TTC39B: variants seen among roughly 807,000 people sequenced by gnomAD.
TTC39B encodes tetratricopeptide repeat protein 39B.
In TTC39B, 92 loss-of-function variants were observed where a neutral mutation model predicts 96.6. The observed-to-expected ratio is 0.95, with a 90% CI of 0.80 to 1.13. The LOEUF is 1.13. Ranked by LOEUF, TTC39B falls within the 50% of genes most tolerant of loss-of-function variation. The pLI is 0.00. For missense variants in TTC39B, 955 were observed against 809.3 expected, an observed-to-expected ratio of 1.18 and a Z score of -2.18; for synonymous variants, 367 against 299.4, an observed-to-expected ratio of 1.23 and a Z score of -2.33.
At chr9:15,218,276 C>T (rs1586897471) in intron 3 of TTC39B, among the ~76,000 whole-genome samples, 3 of 151,594 alleles carry the variant, frequency 2.0e-5, no homozygotes, top group Admixed American at 2.0e-4. Flanking sequence ...GATTCCTGGA[C>T]TGGAAATTAG....
chr9:15,211,386 C>T lies in TTC39B; in HGVS notation c.494G>A (p.Ser165Asn). The change falls in exon 5 of 20, where the codon AGT becomes AAT. Residue 165 changes from serine to asparagine, a missense_variant. Transcript: ENST00000512701. ...ACTGTAGCCCAAGGCATGGTACATACTCTCCTTAGCCCTGGGAAGAACACA... is the reference window on the plus strand; with the variant it reads ...ACTGTAGCCCAAGGCATGGTACATATTCTCCTTAGCCCTGGGAAGAACACA... The T allele has an allele frequency of 1.3e-6, 2 of 1,554,940 alleles. No homozygotes were observed.
At chr9:15,298,891 G>C (rs998229205) in intron 1 of TTC39B, among the ~76,000 whole-genome samples, 2 of 152,026 alleles carry the variant, frequency 1.3e-5, no homozygotes, top group Non-Finnish European at 2.9e-5. Context: ...CCCTCTCCTG[G>C]AAGACACTTC....
intron 2 of TTC39B, among the ~76,000 whole-genome samples, chr9:15,250,360 T>G (rs564444977): frequency 3.9e-5 from 6 of 152,112 alleles, no homozygotes; most frequent in African/African-American, 1.4e-4. Context: ...AATATTTTCA[T>G]GATTTTTCAC....
chr9:15,173,599 A>T (rs1817773614), intron 19 of TTC39B, among the ~76,000 whole-genome samples: 1 of 152,066 alleles, frequency 6.6e-6, no homozygotes. Context: ...TAACTCTCTT[A>T]ATCTTCTTAA....
In TTC39B at chr9:15,180,097, T is replaced by C. The variant is rs1461988876; in HGVS notation, c.1723+2210A>G. ...AAAGAAAATTACATGATAAAGCTAC[T>C]AGAGTACAATTTTACGACAAAAGAT... On this transcript the variant is annotated intron_variant, in intron 17 of 19. Transcript: ENST00000512701. Among the ~76,000 whole-genome samples, 4 of 152,310 alleles carry C rather than the reference T, an allele frequency of 2.6e-5. No homozygotes were observed. In the East Asian group the frequency reaches 7.7e-4, roughly 29 times the overall value.
At position 15,199,911 on chromosome 9, in the gene TTC39B, G is replaced by A. The variant is rs530156692; in HGVS notation, c.774C>T (p.Ile258=). ...TTTTGAGTCCACCTTTGATGAAGTTGATCATATTTTCATCCTGAAAATAAT... is the reference window on the plus strand; with the variant it reads ...TTTTGAGTCCACCTTTGATGAAGTTAATCATATTTTCATCCTGAAAATAAT... Residue 258 remains isoleucine (I), a synonymous_variant, in exon 8 of 20, where the codon ATC becomes ATT. Coordinates refer to ENST00000512701, the Ensembl canonical transcript of TTC39B. The A allele has an allele frequency of 5.2e-6, 8 of 1,540,190 alleles. No individual in the cohort carries two copies. In the African/African-American group the frequency reaches 8.3e-5, roughly 16 times the overall value.
chr9:15,269,803 C>T (rs182269798), intron 1 of TTC39B, among the ~76,000 whole-genome samples: 6 of 150,888 alleles, frequency 4.0e-5, no homozygotes, highest in African/African-American at 1.5e-4. Flanking sequence ...TACAGTGAGC[C>T]GAGATCATGC....
chr9:15,174,420 G>A (rs1751797383), intron 19 of TTC39B, among the ~76,000 whole-genome samples: 2 of 152,208 alleles, frequency 1.3e-5, no homozygotes, highest in Non-Finnish European at 2.9e-5. Context: ...TTACCTAAGT[G>A]ATCCATGACC....
intron 8 of TTC39B, among the ~76,000 whole-genome samples, chr9:15,198,290 T>A (rs927225986): frequency 1.3e-5 from 2 of 151,608 alleles, no homozygotes; most frequent in Admixed American, 6.6e-5. Context: ...AACCCCGTCT[T>A]TACTAAAAAT....
At chr9:15,270,812 C>A (rs1563777874) in intron 1 of TTC39B, among the ~76,000 whole-genome samples, 2 of 151,250 alleles carry the variant, frequency 1.3e-5, no homozygotes, top group Admixed American at 6.6e-5. Flanking sequence ...ACAGTAATCA[C>A]GGGGCAGAGA....
intron 2 of TTC39B, among the ~76,000 whole-genome samples, chr9:15,264,993 C>T (rs1823078936): frequency 6.6e-6 from 1 of 151,822 alleles, no homozygotes; most frequent in Non-Finnish European, 1.5e-5. Flanking sequence ...TGGAAAGCCC[C>T]CAAACAGTGT....
chr9:15,201,061 G>A (rs1396542208), intron 7 of TTC39B, among the ~76,000 whole-genome samples: 1 of 152,078 alleles, frequency 6.6e-6, no homozygotes, highest in Non-Finnish European at 1.5e-5. Context: ...GTGTACTTAA[G>A]CATCCTTCTG....
intron 15 of TTC39B, 58 bp from the exon 16 acceptor site, chr9:15,185,464 G>T: frequency 6.2e-7 from 1 of 1,600,038 alleles, no homozygotes. Flanking sequence ...TACATTATTT[G>T]TACCTGTGGT....
chr9:15,234,250 C>G (rs1195629026), intron 2 of TTC39B, among the ~76,000 whole-genome samples: 4 of 149,760 alleles, frequency 2.7e-5, no homozygotes, highest in Admixed American at 6.6e-5. Context: ...CCACCCCGTC[C>G]GGGAGGGAGG....
chr9:15,262,150 G>C (rs913008320), intron 2 of TTC39B, among the ~76,000 whole-genome samples: 7 of 152,056 alleles, frequency 4.6e-5, no homozygotes, highest in Non-Finnish European at 1.0e-4. Flanking sequence ...CCAGGCTGGA[G>C]TGCAGTGGCA....
intron 17 of TTC39B, among the ~76,000 whole-genome samples, chr9:15,179,422 C>A (rs886693337): frequency 6.6e-6 from 1 of 152,126 alleles, no homozygotes; most frequent in Non-Finnish European, 1.5e-5. Context: ...TGCTACTTAA[C>A]CAACCAGAAA....
intron 1 of TTC39B, among the ~76,000 whole-genome samples, chr9:15,305,300 C>G (rs1460318916): frequency 6.6e-6 from 1 of 152,184 alleles, no homozygotes; most frequent in Non-Finnish European, 1.5e-5. Flanking sequence ...CAAAACTATG[C>G]CTTCTCTAAG....
chr9:15,181,465 C>T (rs1017067319), intron 17 of TTC39B, among the ~76,000 whole-genome samples: 1 of 152,064 alleles, frequency 6.6e-6, no homozygotes, highest in African/African-American at 2.4e-5. Flanking sequence ...GCATCTGGTC[C>T]AACACTCCTC....
chr9:15,190,798 T>G, intron 10 of TTC39B, 136 bp from the exon 11 acceptor site: 1 of 725,130 alleles, frequency 1.4e-6, no homozygotes. Context: ...AGTCTGGGCT[T>G]TTAGTGTCCC....
Sources: allele counts gnomAD v4.1 joint callset (sites outside exome capture counted in the v4.1 genomes callset), GRCh38; gene constraint gnomAD v4.1.1; transcripts MANE v1.5; gene names NCBI Gene and HGNC (gene_info 2026-07-23, HGNC 2026-07-21).